UBE3C: variants seen among roughly 807,000 people sequenced by gnomAD.
UBE3C encodes the protein ubiquitin protein ligase E3C.
In UBE3C, 42 loss-of-function variants were observed where a neutral mutation model predicts 129.4. The ratio of observed to expected loss-of-function variants is 0.32; its 90% CI spans 0.25 to 0.42. The LOEUF (loss-of-function observed/expected upper bound fraction) is 0.42, where lower values mean the gene tolerates loss of function less well. Among genes scored for constraint, UBE3C ranks in the 10% least tolerant of loss-of-function variants. The probability of loss-of-function intolerance (pLI) is 1.00; values close to 1 mark genes in which losing one functional copy is unlikely to be tolerated. For synonymous variants in UBE3C, 510 were observed against 492.4 expected, an observed-to-expected ratio of 1.04 and a Z score of -0.47; for missense variants, 1,049 against 1,319.1, an observed-to-expected ratio of 0.80 and a Z score of 3.17.
At chr7:157,163,039 C>T (rs189879114) in intron 1 of UBE3C, among the ~76,000 whole-genome samples, 2 of 152,142 alleles carry the variant, frequency 1.3e-5, no homozygotes, top group East Asian at 3.9e-4. Flanking sequence ...TTGATTTCTT[C>T]ATTGAAATTT....
chr7:157,192,814 C>A, intron 10 of UBE3C: 1 of 1,273,918 alleles, frequency 7.8e-7, no homozygotes, highest in African/African-American at 1.5e-5. Context: ...ACTGCTTCAA[C>A]AAACCAGAAG....
Position 157,201,765 on chromosome 7 carries a change from T to C in UBE3C, c.1376T>C (p.Leu459Pro), listed in dbSNP as rs1809292273. 1 of 1,611,838 alleles carries C rather than the reference T, an allele frequency of 6.2e-7. No homozygotes were observed. The highest frequency in any genetic ancestry group is 1.3e-5 in the African/African-American group (1 of 74,720). Residue 459 changes from leucine to proline, a missense_variant, in exon 11 of 23, where the codon CTT becomes CCT. Leu to Pro is a moderately conservative substitution (Grantham distance 98). Coordinates refer to ENST00000348165, the MANE Select transcript of UBE3C (RefSeq NM_014671.3). The stretch of plus-strand genomic sequence containing the variant: ...TTTAATGCCAGGTTTCTGAGACATC[T>C]TTGGTTTCTAATATCTTCCATGTCA... ...LAFNARFLRH[L>P]WFLISSMSTR...
At chr7:157,203,350 A>G (rs1169785860) in intron 11 of UBE3C, among the ~76,000 whole-genome samples, 1 of 152,194 alleles carries the variant, frequency 6.6e-6, no homozygotes, top group Non-Finnish European at 1.5e-5. Flanking sequence ...GTCTTGAGAA[A>G]TTCTTTTCTT....
intron 17 of UBE3C, among the ~76,000 whole-genome samples, chr7:157,230,547 T>C (rs1459894984): frequency 1.3e-5 from 2 of 151,828 alleles, no homozygotes; most frequent in East Asian, 3.9e-4. Flanking sequence ...ATAGAAAAAT[T>C]AGCCAGGTGT....
chr7:157,157,561 A>T (rs1284716129), intron 1 of UBE3C, among the ~76,000 whole-genome samples: 1 of 152,260 alleles, frequency 6.6e-6, no homozygotes, highest in Non-Finnish European at 1.5e-5. Flanking sequence ...TCAAATGCAC[A>T]TAGCCTTTGA....
At chr7:157,266,053 G>A (rs941350685) in intron 22 of UBE3C, among the ~76,000 whole-genome samples, 7 of 152,308 alleles carry the variant, frequency 4.6e-5, no homozygotes, top group South Asian at 2.1e-4. Flanking sequence ...GGTGGCTCAC[G>A]CCTGTAATCC....
chr7:157,184,649 T>C (rs1177597926), intron 9 of UBE3C, among the ~76,000 whole-genome samples: 2 of 152,250 alleles, frequency 1.3e-5, no homozygotes, highest in African/African-American at 4.8e-5. Context: ...AGGAGTTTTA[T>C]ATTGATTACT....
At chr7:157,170,635 C>T (rs1273676008) in intron 4 of UBE3C, among the ~76,000 whole-genome samples, 185 bp downstream of exon 4, 1 of 152,142 alleles carries the variant, frequency 6.6e-6, no homozygotes, top group African/African-American at 2.4e-5. Flanking sequence ...AAATTTGATA[C>T]ACATAAAAAT....
At chr7:157,215,173 TC>T (rs1259725380) in intron 13 of UBE3C, among the ~76,000 whole-genome samples, 1 of 152,228 alleles carries the variant, frequency 6.6e-6, no homozygotes, top group East Asian at 1.9e-4. Context: ...TGCAGTTTTA[TC>T]TGCATGACCA....
At chr7:157,224,678 G>A (rs2116622225) in intron 16 of UBE3C, among the ~76,000 whole-genome samples, 1 of 151,432 alleles carries the variant, frequency 6.6e-6, no homozygotes, top group East Asian at 1.9e-4. Flanking sequence ...CTTCAAGAGT[G>A]TATTTTTTAG....
At chr7:157,141,464 C>T (rs1426843347) in intron 1 of UBE3C, among the ~76,000 whole-genome samples, 1 of 152,190 alleles carries the variant, frequency 6.6e-6, no homozygotes. Flanking sequence ...CAGTGTTGCC[C>T]ACTGCACACC....
Position 157,218,501 on chromosome 7 carries a change from GGAGTGTTTCAGAACAATTT to G in UBE3C, c.1914+1531_1914+1549del, listed in dbSNP as rs529661268. Among the ~76,000 whole-genome samples, 8 of 152,174 alleles carry G rather than the reference GGAGTGTTTCAGAACAATTT, an allele frequency of 5.3e-5. No homozygotes were observed. In the South Asian group the frequency reaches 1.7e-3, roughly 32 times the overall value. On this transcript the variant is annotated intron_variant, in intron 14 of 22. Coordinates refer to ENST00000348165, the MANE Select transcript of UBE3C (RefSeq NM_014671.3). The stretch of plus-strand genomic sequence containing the variant: ...CAGAAATATTCGAGGAGAGAAAACA[GGAGTGTTTCAGAACAATTT>G]TATAAGCATGACTATGTCCTCATAA...
rs577097035 is a variant in UBE3C at position 157,255,611 on chromosome 7, C to T, written c.2950+1301C>T. Among the ~76,000 whole-genome samples, 112 of 152,302 alleles carry T rather than the reference C, an allele frequency of 7.4e-4. 1 individual carries two copies. The highest frequency in any genetic ancestry group is 3.4e-3 in the Middle Eastern group (1 of 294). On this transcript the variant is annotated intron_variant, in intron 21 of 22. Transcript: ENST00000348165. ...CGGTTGTTTTCATTACCCATCTGCA[C>T]TGAGGGCTTGCACCTTTAATAATCT...
At chr7:157,206,096 G>A (rs372299003) in intron 11 of UBE3C, among the ~76,000 whole-genome samples, 9 of 152,262 alleles carry the variant, frequency 5.9e-5, no homozygotes, top group African/African-American at 1.9e-4. Context: ...CTGTTAACCT[G>A]TGATTGATTT....
intron 9 of UBE3C, among the ~76,000 whole-genome samples, chr7:157,186,043 T>TA (rs1458749916): frequency 6.6e-6 from 1 of 152,194 alleles, no homozygotes; most frequent in Non-Finnish European, 1.5e-5. Flanking sequence ...GTAAATTGCA[T>TA]AGATTGGCTT....
intron 13 of UBE3C, among the ~76,000 whole-genome samples, chr7:157,212,874 C>T (rs1166904888): frequency 6.6e-6 from 1 of 152,128 alleles, no homozygotes; most frequent in Non-Finnish European, 1.5e-5. Flanking sequence ...TCTTTCACCT[C>T]GGCCTCCTGA....
chr7:157,238,055 TAATA>T (rs1465659582), intron 18 of UBE3C, among the ~76,000 whole-genome samples: 1 of 152,052 alleles, frequency 6.6e-6, no homozygotes, highest in African/African-American at 2.4e-5. Flanking sequence ...CTCAAAATAA[TAATA>T]AAATAGGGCC....
intron 11 of UBE3C, among the ~76,000 whole-genome samples, chr7:157,203,888 A>T (rs748195531): frequency 6.6e-6 from 1 of 152,154 alleles, no homozygotes; most frequent in Non-Finnish European, 1.5e-5. Flanking sequence ...CATTCAAGAC[A>T]CCCAGCTTAC....
chr7:157,150,656 AATTT>A (rs1395163543), intron 1 of UBE3C, among the ~76,000 whole-genome samples: 3 of 152,244 alleles, frequency 2.0e-5, no homozygotes, highest in Non-Finnish European at 4.4e-5. Flanking sequence ...GTCTGTCATT[AATTT>A]ATTAACATAC....
Sources: gnomAD v4.1 joint callset for allele counts (sites outside exome capture counted in the v4.1 genomes callset) on GRCh38, gnomAD v4.1.1 for gene constraint, MANE v1.5 for transcripts, NCBI Gene and HGNC (gene_info 2026-07-23, HGNC 2026-07-21) for gene names.